The following AK9 variants were observed in gnomAD, a reference collection of about 807,000 sequenced individuals.
The protein encoded by AK9 is adenylate kinase 9.
Under a neutral mutation model 239.6 loss-of-function variants are expected in AK9, and 191 were observed. The ratio of observed to expected loss-of-function variants is 0.80; its 90% CI spans 0.71 to 0.90. The LOEUF (loss-of-function observed/expected upper bound fraction) is 0.90. Ranked by LOEUF, AK9 falls within the 40% of genes least tolerant of loss-of-function variation. The probability of loss-of-function intolerance (pLI) is 0.00; values close to 1 mark genes in which losing one functional copy is unlikely to be tolerated. For missense variants in AK9, 1,995 were observed against 2,214.7 expected (o/e 0.90, Z 1.99); for synonymous variants, 689 against 721.0 (o/e 0.96, Z 0.71).
At chr6:109,621,024 T>C (rs1319848847) in intron 12 of AK9, among the ~76,000 whole-genome samples, 1 of 151,608 alleles carries the variant, frequency 6.6e-6, no homozygotes, top group Non-Finnish European at 1.5e-5. Context: ...AGATCTACAA[T>C]GAACTCAAAC....
intron 35 of AK9, among the ~76,000 whole-genome samples, chr6:109,501,818 G>A (rs1202168569): frequency 1.3e-5 from 2 of 152,240 alleles, no homozygotes; most frequent in African/African-American, 4.8e-5. Flanking sequence ...GGTCTTCTCT[G>A]AAGAGCTGAG....
intron 8 of AK9, among the ~76,000 whole-genome samples, chr6:109,649,721 T>C (rs1451921105): frequency 6.6e-6 from 1 of 152,098 alleles, no homozygotes; most frequent in Non-Finnish European, 1.5e-5. Flanking sequence ...CTTCACAGAA[T>C]TGGAAAAAAC....
At chr6:109,665,016 G>A (rs1800987063) in intron 5 of AK9, among the ~76,000 whole-genome samples, 2 of 152,100 alleles carry the variant, frequency 1.3e-5, no homozygotes, top group Admixed American at 1.3e-4. Flanking sequence ...CTCCAGCCTG[G>A]GCAACAGAGC....
chr6:109,601,403 G>A (rs945868875), intron 17 of AK9, among the ~76,000 whole-genome samples: 14 of 152,188 alleles, frequency 9.2e-5, no homozygotes, highest in Middle Eastern at 3.4e-3. Context: ...GAGTTTCTTA[G>A]TCCTGAGTTC....
intron 21 of AK9, among the ~76,000 whole-genome samples, chr6:109,570,057 T>G (rs1562425875): frequency 6.6e-6 from 1 of 152,112 alleles, no homozygotes; most frequent in African/African-American, 2.4e-5. Flanking sequence ...TAGACTGAAT[T>G]AAGAAAATGT....
intron 24 of AK9, among the ~76,000 whole-genome samples, chr6:109,558,421 T>C (rs180937793): frequency 7.9e-5 from 12 of 152,300 alleles, no homozygotes; most frequent in Admixed American, 7.2e-4. Context: ...TGAGGTTTGG[T>C]TCAAAGTTCA....
At chr6:109,641,903 T>A (rs762995674) in intron 9 of AK9, among the ~76,000 whole-genome samples, 2 of 152,186 alleles carry the variant, frequency 1.3e-5, no homozygotes, top group Non-Finnish European at 2.9e-5. Flanking sequence ...GTCACATTCA[T>A]AGGTATTGGA....
At chr6:109,526,334 A>C (rs1780517686) in intron 29 of AK9, among the ~76,000 whole-genome samples, 1 of 152,174 alleles carries the variant, frequency 6.6e-6, no homozygotes, top group South Asian at 2.1e-4. Flanking sequence ...ACACTTTTCA[A>C]AAGAAAAAAA....
chr6:109,493,566 T>G lies in AK9; in HGVS notation c.5539A>C (p.Asn1847His). The change falls in exon 41 of 41, where the codon AAT (asparagine) becomes CAT (histidine). Residue 1847 changes from asparagine (N) to histidine (H), a missense_variant. By Grantham distance (68) the Asn-to-His change is moderately conservative (BLOSUM62 1). Transcript: ENST00000424296. ...CTTGTGTATTCGGAACCTTTGGGATTAAATGCTGTAGAAAATTTCACAGAA... is the reference window on the plus strand; with the variant it reads ...CTTGTGTATTCGGAACCTTTGGGATGAAATGCTGTAGAAAATTTCACAGAA... ...LYIALHLKAFNPKGSEYTRKK... is the reference protein window; with the variant it reads ...LYIALHLKAFHPKGSEYTRKK... The G allele has an allele frequency of 6.2e-7, 1 of 1,611,860 alleles. No homozygotes were observed. Among genetic ancestry groups the G allele is most frequent in the Non-Finnish European group, 8.5e-7 (1 of 1,179,168 alleles).
chr6:109,680,486 A>G (rs1384266932), intron 1 of AK9, among the ~76,000 whole-genome samples: 1 of 152,220 alleles, frequency 6.6e-6, no homozygotes, highest in African/African-American at 2.4e-5. Context: ...TGGTTGGTGT[A>G]CCTGAAAGTG....
chr6:109,607,324 C>T (rs948613835), intron 17 of AK9, among the ~76,000 whole-genome samples: 1 of 152,068 alleles, frequency 6.6e-6, no homozygotes, highest in African/African-American at 2.4e-5. Context: ...TATCCATGGG[C>T]TCTGCATCTG....
At position 109,542,063 on chromosome 6, in the gene AK9, G is replaced by C; in HGVS notation, c.3334C>G (p.Leu1112Val). 1 of 1,600,350 alleles carries C rather than the reference G, an allele frequency of 6.2e-7. No individual in the cohort carries two copies. Among genetic ancestry groups the C allele is most frequent in the Non-Finnish European group, 8.5e-7 (1 of 1,170,992 alleles). The change falls in exon 27 of 41, where the codon CTT (leucine) becomes GTT (valine). Residue 1112 changes from leucine to valine, a missense_variant. By Grantham distance (32) the Leu-to-Val change is conservative. Transcript: ENST00000424296. ...TTAAGATACCGTATTGGTTCCTTAA[G>C]CCACCACTCAGAAAGAATTACTTCA... Reference protein sequence around the residue: ...ILEVILSEWWLKEPIRSTGFI... With the variant: ...ILEVILSEWWVKEPIRSTGFI...
chr6:109,624,383 T>A (rs777143250), intron 12 of AK9, among the ~76,000 whole-genome samples: 1 of 152,166 alleles, frequency 6.6e-6, no homozygotes, highest in Non-Finnish European at 1.5e-5. Flanking sequence ...ATGCACTACA[T>A]CCTCTAGTAG....
chr6:109,620,108 G>A (rs145823745), intron 12 of AK9, among the ~76,000 whole-genome samples: 7 of 152,198 alleles, frequency 4.6e-5, no homozygotes, highest in African/African-American at 1.2e-4. Context: ...GAATAAAGCC[G>A]TGATGAACAC....
intron 17 of AK9, among the ~76,000 whole-genome samples, chr6:109,607,102 C>T (rs1792984678): frequency 6.6e-6 from 1 of 152,094 alleles, no homozygotes; most frequent in Non-Finnish European, 1.5e-5. Flanking sequence ...ATGGGAGGCA[C>T]AGTTTTTAAA....
chr6:109,614,110 T>A (rs1216302733), intron 15 of AK9, 73 bp downstream of exon 15: 36 of 1,407,998 alleles, frequency 2.6e-5, no homozygotes, highest in Non-Finnish European at 3.5e-5. Context: ...TAAGCATAAA[T>A]ATAAACATAA....
chr6:109,566,640 TCTTA>T (rs540711415), intron 21 of AK9, among the ~76,000 whole-genome samples: 231 of 152,236 alleles, frequency 1.5e-3, no homozygotes, highest in Non-Finnish European at 2.7e-3. Flanking sequence ...TTGGGAATGT[TCTTA>T]CTTACAAGTG....
intron 12 of AK9, among the ~76,000 whole-genome samples, chr6:109,626,398 G>T (rs1042336237): frequency 6.6e-6 from 1 of 152,132 alleles, no homozygotes; most frequent in African/African-American, 2.4e-5. Context: ...GGACATTGTG[G>T]ATGATACATT....
intron 17 of AK9, among the ~76,000 whole-genome samples, chr6:109,606,661 A>G (rs963755679): frequency 6.6e-6 from 1 of 152,194 alleles, no homozygotes; most frequent in Non-Finnish European, 1.5e-5. Context: ...TCATATAGCC[A>G]GTGTAACAGC....
Sources: gnomAD v4.1 joint callset for allele counts (sites outside exome capture counted in the v4.1 genomes callset) on GRCh38, gnomAD v4.1.1 for gene constraint, MANE v1.5 for transcripts, NCBI Gene and HGNC (gene_info 2026-07-23, HGNC 2026-07-21) for gene names.